OPN4: variants seen among roughly 807,000 people sequenced by gnomAD.
The protein encoded by OPN4 is melanopsin.
Under a neutral mutation model 49.5 loss-of-function variants are expected in OPN4, and 43 were observed. The observed-to-expected ratio is 0.87, with a 90% CI of 0.68 to 1.12. The LOEUF is 1.12. Among genes scored for constraint, OPN4 ranks in the 50% most tolerant of loss-of-function variants. OPN4 has a pLI of 0.00. For missense variants in OPN4, 657 were observed against 643.9 expected, an observed-to-expected ratio of 1.02 and a Z score of -0.22; for synonymous variants, 263 against 258.0, an observed-to-expected ratio of 1.02 and a Z score of -0.19.
Position 86,654,796 on chromosome 10 carries a change from T to G in OPN4, c.13T>G (p.Ser5Ala). 1.2e-6 allele frequency: 2 copies of G among 1,612,164 alleles called. No homozygotes were observed. The highest frequency in any genetic ancestry group is 4.5e-5 in the East Asian group (2 of 44,814). MNPPSGPRVPPSPTQ... is the reference protein window; with the variant it reads MNPPAGPRVPPSPTQ... Reference sequence around the variant, plus strand: ...ATCCCAACTCAGGATGAACCCTCCTTCGGGGCCAAGAGTCCCGCCCAGCCC... The same window carrying G: ...ATCCCAACTCAGGATGAACCCTCCTGCGGGGCCAAGAGTCCCGCCCAGCCC... Residue 5 changes from serine (S) to alanine (A), a missense_variant, in exon 1 of 10, where the codon TCG becomes GCG. Coordinates refer to ENST00000241891, the MANE Select transcript of OPN4 (RefSeq NM_033282.4).
intron 4 of OPN4, 33 bp from the exon 5 acceptor site, chr10:86,659,263 GC>G: frequency 1.3e-6 from 2 of 1,573,324 alleles, no homozygotes. Context: ...GGTCAGTGCC[GC>G]CCCAAAGGCT....
rs772828838 is a variant in OPN4, at chr10:86,661,319, C to A, written c.1004C>A (p.Pro335Gln). 1.9e-5 allele frequency: 30 copies of A among 1,614,090 alleles called. No homozygotes were observed. Among genetic ancestry groups the A allele is most frequent in the Non-Finnish European group, 2.5e-5 (30 of 1,179,998 alleles). The part of the protein sequence containing the change: ...HVLTPYMSSV[P>Q]AVIAKASAIH... The stretch of plus-strand genomic sequence containing the variant: ...CTGACACCCTACATGAGCTCGGTGC[C>A]AGCCGTCATCGCCAAGGCCTCTGCA... The change falls in exon 7 of 10, where the codon CCA becomes CAA. Residue 335 changes from proline (P) to glutamine (Q), a missense_variant. Coordinates refer to ENST00000241891, the MANE Select transcript of OPN4 (RefSeq NM_033282.4).
At position 86,655,078 on chromosome 10, in the gene OPN4, G is replaced by A. The variant is rs1395670188; in HGVS notation, c.144+151G>A. On this transcript the variant is annotated intron_variant, in intron 1 of 9. Coordinates refer to ENST00000241891, the MANE Select transcript of OPN4 (RefSeq NM_033282.4). Reference sequence around the variant, plus strand: ...GCCATTACTGGACCTCTCTGAGCCCGCCCCTGATAAACAGGCTGATAGAGG... The same window carrying A: ...GCCATTACTGGACCTCTCTGAGCCCACCCCTGATAAACAGGCTGATAGAGG... 7.2e-5 allele frequency: 54 copies of A among 753,482 alleles called. 1 individual carries two copies. The South Asian group carries it at 8.1e-4, about 11-fold the overall frequency. 46.7% of individuals were successfully genotyped at this position (753,482 alleles called of 1,614,324 possible). A position where few individuals can be genotyped will look rare whatever the true frequency, so the allele number is the denominator to read the frequency against.
chr10:86,655,963 G>C (rs1843851394), intron 1 of OPN4, among the ~76,000 whole-genome samples, 192 bp from the exon 2 acceptor site: 1 of 152,232 alleles, frequency 6.6e-6, no homozygotes, highest in Admixed American at 6.5e-5. Flanking sequence ...AGGAGCTTGG[G>C]CTGGACTTTA....
At chr10:86,660,096 G>A (rs1843968679) in intron 6 of OPN4, 37 bp downstream of exon 6, 1 of 1,609,188 alleles carries the variant, frequency 6.2e-7, no homozygotes, top group South Asian at 1.1e-5. Flanking sequence ...AGAGGCTGAA[G>A]GTGTGGGGGC....
In OPN4 at chr10:86,654,809, T is replaced by TTGCCCC; in HGVS notation, c.26_27insTGCCCC (p.Val9_Pro10insAlaPro). 6.4e-7 allele frequency: 1 copy of TTGCCCC among 1,554,842 alleles called. No individual in the cohort carries two copies. The highest frequency in any genetic ancestry group is 8.9e-7 in the Non-Finnish European group (1 of 1,128,786). On this transcript the variant is annotated inframe_insertion, in exon 1 of 10. Transcript: ENST00000241891. The stretch of plus-strand genomic sequence containing the variant: ...ATGAACCCTCCTTCGGGGCCAAGAG[T>TTGCCCC]CCCGCCCAGCCCAACCCAAGAGCCC...
chr10:86,662,107 C>T, intron 7 of OPN4, 145 bp from the exon 8 acceptor site: 1 of 647,094 alleles, frequency 1.5e-6, no homozygotes, highest in Non-Finnish European at 2.6e-6. Context: ...CATCACCTGC[C>T]ATGGTTCCCA....
rs1292271083 is a variant in OPN4 at position 86,658,170 on chromosome 10, A to G, written c.424+5A>G. On this transcript the variant is annotated splice_donor_5th_base_variant and intron_variant, in intron 3 of 9. Transcript: ENST00000241891. ...AGTGGCTCTTTGGGGAGACAGGTAG[A>G]TGCTGGGGCTCCCTTTTGCTGGAGG... is the stretch of plus-strand genomic sequence containing the variant. The G allele has an allele frequency of 1.2e-6, 2 of 1,612,480 alleles. No individual in the cohort carries two copies. Among genetic ancestry groups the G allele is most frequent in the Non-Finnish European group, 1.7e-6 (2 of 1,179,636 alleles).
chr10:86,654,720 AG>A lies in OPN4; in HGVS notation c.-63del. The A allele has an allele frequency of 6.4e-7, 1 of 1,563,374 alleles. No homozygotes were observed. Among genetic ancestry groups the A allele is most frequent in the East Asian group, 2.3e-5 (1 of 43,920 alleles). On this transcript the variant is annotated 5_prime_UTR_variant, in exon 1 of 10. Coordinates refer to ENST00000241891, the MANE Select transcript of OPN4 (RefSeq NM_033282.4). ...AAGTTGGGAGGCTGAGCACAGCTGA[AG>A]TCCTGAGCTCCCTGTGCCCTTGACT...
At chr10:86,660,482 G>A (rs1843977363) in intron 6 of OPN4, among the ~76,000 whole-genome samples, 1 of 152,196 alleles carries the variant, frequency 6.6e-6, no homozygotes. Flanking sequence ...CAGCACAGAT[G>A]CATGCTCAAC....
intron 2 of OPN4, chr10:86,657,056 C>T: frequency 3.2e-6 from 2 of 632,144 alleles, no homozygotes; most frequent in Non-Finnish European, 5.8e-6. Flanking sequence ...CCCTGCCTGG[C>T]TCAGTGGCTG....
rs36117636 is a variant in OPN4, at chr10:86,664,790, T to G, written c.1399-923T>G. On this transcript the variant is annotated intron_variant, in intron 9 of 9. Coordinates refer to ENST00000241891, the MANE Select transcript of OPN4 (RefSeq NM_033282.4). ...TGTCCTGGAGCCCAGGCACTGTGCA[T>G]GCCATAAACGCCAGGACAAAGGCCT... Among the ~76,000 whole-genome samples the G allele has an allele frequency of 5.1e-4, 77 of 152,254 alleles. No homozygotes were observed. In the Middle Eastern group the frequency reaches 0.014, roughly 27 times the overall value.
At position 86,658,317 on chromosome 10, in the gene OPN4, G is replaced by A. The variant is rs1421654465; in HGVS notation, c.424+152G>A. 16 of 1,277,926 alleles carry A rather than the reference G, an allele frequency of 1.3e-5. No individual in the cohort carries two copies. In the East Asian group the frequency reaches 3.4e-4, roughly 27 times the overall value. The allele number at this position is 1,277,926 out of a possible 1,614,324, so 79.2% of individuals were successfully genotyped here. A position where few individuals can be genotyped will look rare whatever the true frequency, so the allele number is the denominator to read the frequency against. On this transcript the variant is annotated intron_variant, in intron 3 of 9. Transcript: ENST00000241891. ...GTCCTGTGAGTAAGCAAGAAGGGAA[G>A]ATGCAGTGTTGGTCCTAAGGCCTCT...
chr10:86,658,277 G>T, intron 3 of OPN4, 112 bp downstream of exon 3: 2 of 1,409,406 alleles, frequency 1.4e-6, no homozygotes, highest in East Asian at 4.6e-5. Context: ...GGCAGAGAGT[G>T]GGTAGCTGCC....
At chr10:86,662,178 G>C in intron 7 of OPN4, 74 bp from the exon 8 acceptor site, 1 of 1,344,058 alleles carries the variant, frequency 7.4e-7, no homozygotes, top group Non-Finnish European at 1.0e-6. Flanking sequence ...GCCTGTACCA[G>C]CCTGTGCACC....
intron 1 of OPN4, among the ~76,000 whole-genome samples, chr10:86,655,319 C>G (rs1016276056): frequency 3.3e-5 from 5 of 152,306 alleles, no homozygotes; most frequent in Admixed American, 3.3e-4. Context: ...CCTTCTGCCA[C>G]CTCCATCATC....
intron 9 of OPN4, 100 bp from the exon 10 acceptor site, chr10:86,665,613 C>G: frequency 1.0e-6 from 1 of 981,118 alleles, no homozygotes; most frequent in East Asian, 2.4e-5. Context: ...TCCATGCAAC[C>G]TCCCCCACTG....
intron 6 of OPN4, among the ~76,000 whole-genome samples, chr10:86,660,673 G>T (rs530114827): frequency 1.3e-5 from 2 of 152,308 alleles, no homozygotes; most frequent in East Asian, 3.9e-4. Flanking sequence ...GGCAGAGGGT[G>T]CAAGGGCCAG....
Position 86,658,469 on chromosome 10 carries a change from G to A in OPN4, c.425-15G>A. The A allele has an allele frequency of 6.2e-7, 1 of 1,613,838 alleles. No homozygotes were observed. The highest frequency in any genetic ancestry group is 1.7e-5 in the Admixed American group (1 of 60,008). ...CCCTCCTCCCCAGGACTCAGAGCAG[G>A]GGCTGTGCCCACAGGCTGCGAGTTC... On this transcript the variant is annotated splice_polypyrimidine_tract_variant and intron_variant, in intron 3 of 9. Transcript: ENST00000241891.
Sources: gnomAD v4.1 joint callset for allele counts (sites outside exome capture counted in the v4.1 genomes callset) on GRCh38, gnomAD v4.1.1 for gene constraint, MANE v1.5 for transcripts, NCBI Gene and HGNC (gene_info 2026-07-23, HGNC 2026-07-21) for gene names.